EBF1: variants seen among roughly 807,000 people sequenced by gnomAD.
The protein encoded by EBF1 is EBF transcription factor 1.
In EBF1, 10 loss-of-function variants were observed where a neutral mutation model predicts 68.4. The observed-to-expected ratio is 0.15, with a 90% CI of 0.09 to 0.25. The LOEUF (loss-of-function observed/expected upper bound fraction) is 0.25, where lower values mean the gene tolerates loss of function less well. EBF1 is among the 10% of genes least tolerant of loss of function. EBF1 has a pLI of 1.00. For missense variants in EBF1, 509 were observed against 794.4 expected (o/e 0.64, Z 4.32); for synonymous variants, 298 against 299.8 (o/e 0.99, Z 0.06).
intron 6 of EBF1, among the ~76,000 whole-genome samples, chr5:158,998,579 G>A (rs543836117): frequency 6.3e-4 from 96 of 152,242 alleles, no homozygotes; most frequent in East Asian, 3.3e-3. Flanking sequence ...TTCAGCTTCC[G>A]AAAACTTCAA....
At chr5:159,020,103 C>G (rs926960876) in intron 6 of EBF1, among the ~76,000 whole-genome samples, 1 of 152,060 alleles carries the variant, frequency 6.6e-6, no homozygotes, top group African/African-American at 2.4e-5. Context: ...CTGTTGCCTC[C>G]TATGTCAGTC....
chr5:158,718,576 C>T (rs1373874699), intron 11 of EBF1, among the ~76,000 whole-genome samples: 1 of 152,076 alleles, frequency 6.6e-6, no homozygotes, highest in African/African-American at 2.4e-5. Flanking sequence ...CATAGAAAGC[C>T]TCTTAAGGTA....
chr5:158,844,990 T>C (rs1791153920), intron 6 of EBF1, among the ~76,000 whole-genome samples: 1 of 152,212 alleles, frequency 6.6e-6, no homozygotes, highest in Non-Finnish European at 1.5e-5. Flanking sequence ...CAAAAGGCAC[T>C]TCTGGACTCC....
chr5:158,899,244 T>G (rs1347754392), intron 6 of EBF1, among the ~76,000 whole-genome samples: 1 of 152,232 alleles, frequency 6.6e-6, no homozygotes, highest in African/African-American at 2.4e-5. Flanking sequence ...ATACCACCAC[T>G]GGCACTGAAA....
At chr5:158,727,685 A>G (rs1357502817) in intron 11 of EBF1, among the ~76,000 whole-genome samples, 1 of 152,180 alleles carries the variant, frequency 6.6e-6, no homozygotes, top group Non-Finnish European at 1.5e-5. Flanking sequence ...AGCAACTATC[A>G]CTGATGGTGA....
chr5:158,912,869 A>C (rs1806314485), intron 6 of EBF1, among the ~76,000 whole-genome samples: 1 of 152,188 alleles, frequency 6.6e-6, no homozygotes, highest in South Asian at 2.1e-4. Flanking sequence ...TCTAGTAGTT[A>C]TTCTTGCAGG....
intron 11 of EBF1, among the ~76,000 whole-genome samples, chr5:158,717,234 A>T (rs566431975): frequency 1.2e-4 from 18 of 152,206 alleles, no homozygotes; most frequent in Non-Finnish European, 2.2e-4. Context: ...CTGTGGTCAC[A>T]AGTGTAATTT....
chr5:158,870,446 G>A (rs932889176), intron 6 of EBF1, among the ~76,000 whole-genome samples: 1 of 152,144 alleles, frequency 6.6e-6, no homozygotes, highest in Admixed American at 6.5e-5. Flanking sequence ...CACTTTAGGA[G>A]GTCAAGGCAG....
chr5:158,823,150 C>T lies in EBF1; in HGVS notation c.778+26G>A, dbSNP rs11950222. On this transcript the variant is annotated intron_variant, in intron 8 of 15. Transcript: ENST00000313708. ...TATATTCACAGTTAAAGTAGCAATG[C>T]CAACCAATGAAAATGATTCGCCTAC... The T allele has an allele frequency of 4.1e-4, 659 of 1,613,602 alleles. 5 individuals carry two copies. In the African/African-American group the frequency reaches 7.7e-3, roughly 19 times the overall value.
chr5:158,974,503 C>T (rs1218600593), intron 6 of EBF1, among the ~76,000 whole-genome samples: 15 of 152,056 alleles, frequency 9.9e-5, no homozygotes, highest in Non-Finnish European at 2.9e-5. Flanking sequence ...TCATTGGAAA[C>T]ATACACGGCT....
chr5:159,029,903 G>A (rs552526907), intron 6 of EBF1, among the ~76,000 whole-genome samples: 1 of 151,220 alleles, frequency 6.6e-6, no homozygotes, highest in African/African-American at 2.4e-5. Context: ...GTTGCAGTGA[G>A]CCAAGATCAC....
At chr5:158,778,482 C>G (rs1372266690) in intron 9 of EBF1, among the ~76,000 whole-genome samples, 1 of 152,088 alleles carries the variant, frequency 6.6e-6, no homozygotes, top group African/African-American at 2.4e-5. Flanking sequence ...CCACTGCATA[C>G]AGTGGATAAT....
intron 7 of EBF1, among the ~76,000 whole-genome samples, chr5:158,830,530 A>C (rs1296324499): frequency 2.0e-5 from 3 of 152,128 alleles, no homozygotes; most frequent in Non-Finnish European, 4.4e-5. Context: ...CGGCCTCCCA[A>C]AAGTGCTGGG....
chr5:159,030,695 T>C (rs1768617812), intron 6 of EBF1, among the ~76,000 whole-genome samples: 1 of 152,204 alleles, frequency 6.6e-6, no homozygotes, highest in African/African-American at 2.4e-5. Context: ...CGCAGAAGCA[T>C]GGACACTCCT....
chr5:158,939,670 G>A (rs552206011), intron 6 of EBF1, among the ~76,000 whole-genome samples: 7 of 140,770 alleles, frequency 5.0e-5, no homozygotes, highest in Admixed American at 4.8e-4. Flanking sequence ...ACAATTGTAG[G>A]AAAATCTTTA....
At chr5:158,752,608 T>C (rs1307463006) in intron 10 of EBF1, among the ~76,000 whole-genome samples, 2 of 152,118 alleles carry the variant, frequency 1.3e-5, no homozygotes, top group African/African-American at 4.8e-5. Context: ...ATTTCGTTAC[T>C]GAGTGAGGGA....
At chr5:158,928,984 T>C (rs1352991635) in intron 6 of EBF1, among the ~76,000 whole-genome samples, 2 of 152,174 alleles carry the variant, frequency 1.3e-5, no homozygotes, top group Non-Finnish European at 2.9e-5. Flanking sequence ...TTTAAAAATT[T>C]TTAAATCTTT....
intron 11 of EBF1, among the ~76,000 whole-genome samples, chr5:158,721,258 G>T (rs1382253836): frequency 5.3e-5 from 8 of 152,100 alleles, no homozygotes; most frequent in Non-Finnish European, 1.2e-4. Flanking sequence ...AAACCAGAAA[G>T]CCTTGCCTTT....
At chr5:159,059,245 A>G (rs536702514) in intron 6 of EBF1, among the ~76,000 whole-genome samples, 2 of 152,192 alleles carry the variant, frequency 1.3e-5, no homozygotes, top group African/African-American at 4.8e-5. Flanking sequence ...GAAATTCATT[A>G]TACCAAACTT....
Sources: gnomAD v4.1 joint callset for allele counts (sites outside exome capture counted in the v4.1 genomes callset) on GRCh38, gnomAD v4.1.1 for gene constraint, MANE v1.5 for transcripts, NCBI Gene and HGNC (gene_info 2026-07-23, HGNC 2026-07-21) for gene names.